Variants in ANKHD1 observed in about 807,000 individuals in gnomAD.
ANKHD1 encodes the protein ankyrin repeat and KH domain containing 1.
Under a neutral mutation model 230.5 loss-of-function variants are expected in ANKHD1, and 31 were observed. The ratio of observed to expected loss-of-function variants is 0.13; its 90% CI spans 0.10 to 0.18. The LOEUF is 0.18. Ranked by LOEUF, ANKHD1 falls within the 10% of genes least tolerant of loss-of-function variation. The pLI is 1.00. For synonymous variants in ANKHD1, 1,074 were observed against 1,117.6 expected (o/e 0.96, Z 0.78); for missense variants, 2,256 against 3,071.3 (o/e 0.73, Z 6.27).
intron 2 of ANKHD1, among the ~76,000 whole-genome samples, chr5:140,437,567 G>A (rs762920170): frequency 2.6e-5 from 4 of 152,116 alleles, no homozygotes; most frequent in Admixed American, 6.5e-5. Context: ...TTAACTGGGC[G>A]TGGCGGCGCA....
Position 140,473,307 on chromosome 5 carries a change from C to T in ANKHD1, c.1782+8531C>T, listed in dbSNP as rs140354597. 2.9e-3 allele frequency among the ~76,000 whole-genome samples: 449 copies of T among 152,222 alleles called. 17 individuals carry two copies. In the East Asian group the frequency reaches 0.079, roughly 27 times the overall value. ...CCTCCTAAAGTGCTGGGATTACAGGCGTGAGTCACCGTGCCTGGCCTAAGT... is the reference window on the plus strand; with the variant it reads ...CCTCCTAAAGTGCTGGGATTACAGGTGTGAGTCACCGTGCCTGGCCTAAGT... On this transcript the variant is annotated intron_variant, in intron 10 of 33. Transcript: ENST00000360839.
chr5:140,472,159 T>A, intron 10 of ANKHD1: 1 of 1,156,640 alleles, frequency 8.6e-7, no homozygotes, highest in Non-Finnish European at 1.3e-6. Flanking sequence ...ATCTGAAGTA[T>A]CGGTCACAAG....
chr5:140,417,190 A>C (rs757926795), intron 1 of ANKHD1, among the ~76,000 whole-genome samples: 1 of 151,778 alleles, frequency 6.6e-6, no homozygotes, highest in African/African-American at 2.4e-5. Context: ...AGTGATCAGG[A>C]TATGTCGTAT....
At chr5:140,449,782 G>A (rs1774567784) in intron 7 of ANKHD1, among the ~76,000 whole-genome samples, 1 of 148,928 alleles carries the variant, frequency 6.7e-6, no homozygotes, top group African/African-American at 2.5e-5. Context: ...AAAGTATTTG[G>A]CCTTAGGGAT....
chr5:140,432,984 G>A (rs1015676332), intron 1 of ANKHD1, among the ~76,000 whole-genome samples: 7 of 150,674 alleles, frequency 4.6e-5, no homozygotes, highest in Non-Finnish European at 7.4e-5. Flanking sequence ...GTTTATAGAC[G>A]TGAGCCACTG....
In ANKHD1 at chr5:140,402,141, C is replaced by T; in HGVS notation, c.174C>T (p.Ser58=). The change falls in exon 1 of 34, where the codon AGC becomes AGT. Residue 58 remains serine (S), a synonymous_variant. Coordinates refer to ENST00000360839, the MANE Select transcript of ANKHD1 (RefSeq NM_017747.3). ...CCGGGCCAGCGTCGGGAGTCGGCAG[C>T]AGCGGCGGCGGCGGCAGCGGCAGCG... ...GEAGPASGVG[S]SGGGGSGSGT... is the part of the protein sequence containing the mutation. The T allele has an allele frequency of 1.3e-6, 2 of 1,544,088 alleles. No homozygotes were observed. The highest frequency in any genetic ancestry group is 1.2e-5 in the South Asian group (1 of 82,980).
chr5:140,530,356 C>T (rs1354155067), intron 29 of ANKHD1, among the ~76,000 whole-genome samples: 1 of 152,118 alleles, frequency 6.6e-6, no homozygotes, highest in East Asian at 1.9e-4. Flanking sequence ...GGACTACAGG[C>T]ATGCGCCACC....
In ANKHD1 at chr5:140,524,252, A is replaced by G. The variant is rs1312127326; in HGVS notation, c.4492+12A>G. ...GAATGATGAAGATGGTGAGAAACAA[A>G]CCATCTGAATTAACGATAAAATTCT... On this transcript the variant is annotated intron_variant, in intron 25 of 33. Coordinates refer to ENST00000360839, the MANE Select transcript of ANKHD1 (RefSeq NM_017747.3). The G allele has an allele frequency of 1.3e-6, 2 of 1,553,566 alleles. No homozygotes were observed. Among genetic ancestry groups the G allele is most frequent in the Admixed American group, 4.7e-5 (2 of 42,482 alleles).
intron 1 of ANKHD1, among the ~76,000 whole-genome samples, chr5:140,410,795 A>G (rs1170276031): frequency 6.6e-6 from 1 of 152,128 alleles, no homozygotes; most frequent in East Asian, 1.9e-4. Context: ...ACCGTACTAG[A>G]TACTTTCGTT....
At chr5:140,512,198 G>A (rs546037572) in intron 22 of ANKHD1, among the ~76,000 whole-genome samples, 2 of 150,932 alleles carry the variant, frequency 1.3e-5, no homozygotes, top group African/African-American at 4.9e-5. Flanking sequence ...AGCGTGCCGT[G>A]GCACTCCAGC....
chr5:140,405,099 G>A (rs1770324019), intron 1 of ANKHD1, among the ~76,000 whole-genome samples: 1 of 151,630 alleles, frequency 6.6e-6, no homozygotes. Flanking sequence ...GAAGCTTATT[G>A]TAGAAGTCAT....
At chr5:140,447,611 A>G (rs1020324950) in intron 6 of ANKHD1, among the ~76,000 whole-genome samples, 9 of 152,238 alleles carry the variant, frequency 5.9e-5, no homozygotes, top group Admixed American at 3.9e-4. Flanking sequence ...TAAATTAACG[A>G]TTTGAGCAAG....
intron 7 of ANKHD1, among the ~76,000 whole-genome samples, chr5:140,451,936 A>C (rs1424215168): frequency 2.0e-5 from 3 of 152,196 alleles, no homozygotes. Context: ...CACAACAAGC[A>C]TTAAGACCTA....
At chr5:140,537,883 G>A (rs1429998524) in intron 31 of ANKHD1, among the ~76,000 whole-genome samples, 1 of 152,118 alleles carries the variant, frequency 6.6e-6, no homozygotes, top group African/African-American at 2.4e-5. Context: ...TTAAAAGACA[G>A]GGTAAAGTGG....
intron 1 of ANKHD1, among the ~76,000 whole-genome samples, chr5:140,420,019 T>C (rs1771844732): frequency 1.9e-5 from 2 of 103,080 alleles, no homozygotes; most frequent in South Asian, 8.2e-4. Context: ...CTCCACACAG[T>C]CTCCCTCCCT....
intron 1 of ANKHD1, among the ~76,000 whole-genome samples, chr5:140,412,347 A>G (rs900458658): frequency 3.3e-5 from 5 of 151,946 alleles, no homozygotes; most frequent in Non-Finnish European, 5.9e-5. Context: ...TTGTAGTTAC[A>G]AGGTCTCATT....
Position 140,539,729 on chromosome 5 carries a change from T to C in ANKHD1, c.*311T>C, listed in dbSNP as rs1309574288. 4.5e-6 allele frequency: 1 copy of C among 219,822 alleles called. No homozygotes were observed. Among genetic ancestry groups the C allele is most frequent in the Admixed American group, 5.5e-5 (1 of 18,252 alleles). 13.6% of individuals were successfully genotyped at this position (219,822 alleles called of 1,614,324 possible). On this transcript the variant is annotated 3_prime_UTR_variant, in exon 34 of 34. Transcript: ENST00000360839. ...TTTAGGGTGATAAATACATGTATAA[T>C]TGTTTACATACTTAAAAGGAAAAAG...
intron 1 of ANKHD1, among the ~76,000 whole-genome samples, chr5:140,425,390 A>C (rs1227077008): frequency 6.6e-6 from 1 of 152,132 alleles, no homozygotes; most frequent in Non-Finnish European, 1.5e-5. Context: ...CCTCCCAAGT[A>C]GCTGGGACTA....
chr5:140,482,440 A>C, intron 10 of ANKHD1, 140 bp from the exon 11 acceptor site: 1 of 844,156 alleles, frequency 1.2e-6, no homozygotes, highest in Non-Finnish European at 1.7e-6. Context: ...ATAATGGGGG[A>C]ATTGAGGTAG....
Sources: allele counts gnomAD v4.1 joint callset (sites outside exome capture counted in the v4.1 genomes callset), GRCh38; gene constraint gnomAD v4.1.1; transcripts MANE v1.5; gene names NCBI Gene and HGNC (gene_info 2026-07-23, HGNC 2026-07-21).